The following ZFHX3 variants were observed in gnomAD, a reference collection of about 807,000 sequenced individuals.
ZFHX3 encodes zinc finger homeobox protein 3.
A neutral mutation model predicts 279.1 loss-of-function variants in ZFHX3; 42 were observed. The ratio of observed to expected loss-of-function variants is 0.15; its 90% CI spans 0.12 to 0.19. The LOEUF (loss-of-function observed/expected upper bound fraction) is 0.19. Among genes scored for constraint, ZFHX3 ranks in the 10% least tolerant of loss-of-function variants. The pLI, the probability that ZFHX3 is intolerant of heterozygous loss-of-function variation, is 1.00. For synonymous variants in ZFHX3, 2,293 were observed against 1,957.8 expected (o/e 1.17, Z -4.52); for missense variants, 4,981 against 4,754.0 (o/e 1.05, Z -1.40).
upstream of ZFHX3, among the ~76,000 whole-genome samples, chr16:73,050,011 G>A (rs1228232695): frequency 1.3e-5 from 2 of 152,266 alleles, no homozygotes; most frequent in African/African-American, 2.4e-5. Context: ...CCGGAAAAAC[G>A]AAGATTCCTT....
chr16:73,881,480 G>T (rs58139207), intron 1 of ZFHX3, among the ~76,000 whole-genome samples: 4 of 23,552 alleles, frequency 1.7e-4, no homozygotes, highest in African/African-American at 2.3e-4. Context: ...CTCTCTCTCT[G>T]CCCCCCCCCC....
At chr16:72,816,145 G>C (rs2036599866) in intron 5 of ZFHX3, among the ~76,000 whole-genome samples, 1 of 151,472 alleles carries the variant, frequency 6.6e-6, no homozygotes, top group Admixed American at 6.7e-5. Context: ...AACACTTTAA[G>C]TTTTTCACAT....
rs1288206512 is a variant in ZFHX3 at position 72,928,185 on chromosome 16, GGGAGGGGGA to G, written c.3216+22275_3216+22283del. On this transcript the variant is annotated intron_variant, in intron 3 of 9. Coordinates refer to ENST00000268489, the MANE Select transcript of ZFHX3 (RefSeq NM_006885.4). The stretch of plus-strand genomic sequence containing the variant: ...GAGAGAGGGAGGGGGAGGGGAGAGA[GGGAGGGGGA>G]GGGGAGCGAGGGGGAGCGAAGGGGA... Among the ~76,000 whole-genome samples, 13 of 42,326 alleles carry G rather than the reference GGGAGGGGGA, an allele frequency of 3.1e-4. 1 individual carries two copies. The highest frequency in any genetic ancestry group is 3.8e-4 in the Non-Finnish European group (8 of 20,884). The allele number at this position is 42,326 out of a possible 152,430, so 27.8% of individuals were successfully genotyped here.
intron 7 of ZFHX3, among the ~76,000 whole-genome samples, chr16:73,102,322 A>G (rs1966241987): frequency 6.6e-6 from 1 of 152,166 alleles, no homozygotes; most frequent in South Asian, 2.1e-4. Context: ...TCCAGGGTAC[A>G]CATTGCCCCT....
intron 2 of ZFHX3, among the ~76,000 whole-genome samples, chr16:73,503,615 C>G (rs532966920): frequency 6.6e-6 from 1 of 152,076 alleles, no homozygotes; most frequent in Non-Finnish European, 1.5e-5. Flanking sequence ...TTTGATTTAC[C>G]TGGAGGCATG....
chr16:73,793,835 AG>A (rs1959906816), intron 1 of ZFHX3, among the ~76,000 whole-genome samples: 1 of 152,164 alleles, frequency 6.6e-6, no homozygotes, highest in Non-Finnish European at 1.5e-5. Flanking sequence ...GCCTTTTGAA[AG>A]GGGATACTGT....
intron 5 of ZFHX3, among the ~76,000 whole-genome samples, chr16:73,168,279 C>CTTTCTTTCTTTCTT (rs1555502322): frequency 7.0e-6 from 1 of 143,646 alleles, no homozygotes; most frequent in Admixed American, 7.1e-5. Context: ...TTCTTTCTTT[C>CTTTCTTTCTTTCTT]GAGACAAAGT....
intron 3 of ZFHX3, among the ~76,000 whole-genome samples, chr16:72,901,456 A>T (rs1390823981): frequency 1.3e-5 from 2 of 152,196 alleles, no homozygotes; most frequent in Admixed American, 1.3e-4. Context: ...CAACACAAGC[A>T]GGAGGTAAGC....
intron 2 of ZFHX3, among the ~76,000 whole-genome samples, chr16:73,524,003 A>G (rs2019650244): frequency 6.6e-6 from 1 of 152,216 alleles, no homozygotes; most frequent in African/African-American, 2.4e-5. Flanking sequence ...TTATTATTAG[A>G]AGTATATATC....
At chr16:73,883,025 C>CTT (rs61053103) in intron 1 of ZFHX3, among the ~76,000 whole-genome samples, 11 of 140,496 alleles carry the variant, frequency 7.8e-5, no homozygotes, top group African/African-American at 2.9e-4. Context: ...TTTAGTCAAG[C>CTT]TTTTTAAAAA....
At chr16:73,206,842 AC>A (rs1416470092) in intron 5 of ZFHX3, among the ~76,000 whole-genome samples, 1 of 151,988 alleles carries the variant, frequency 6.6e-6, no homozygotes, top group Non-Finnish European at 1.5e-5. Flanking sequence ...ACATGGTGAA[AC>A]CCCATTTCTA....
At chr16:73,803,035 A>T (rs572159278) in intron 1 of ZFHX3, among the ~76,000 whole-genome samples, 10 of 152,300 alleles carry the variant, frequency 6.6e-5, no homozygotes, top group Admixed American at 5.2e-4. Context: ...TCCTGACCTC[A>T]GGAGATTTGC....
At chr16:73,406,134 G>A (rs536517335) in intron 3 of ZFHX3, among the ~76,000 whole-genome samples, 38 of 152,358 alleles carry the variant, frequency 2.5e-4, no homozygotes, top group South Asian at 8.3e-4. Flanking sequence ...AGATGCCTGC[G>A]CATCAGCTGC....
chr16:73,253,322 A>G (rs567215337), intron 5 of ZFHX3, among the ~76,000 whole-genome samples: 27 of 152,346 alleles, frequency 1.8e-4, no homozygotes, highest in African/African-American at 6.3e-4. Context: ...CAGGGTTGCA[A>G]TAAAGACTGT....
chr16:73,619,521 T>C (rs1311807636), intron 2 of ZFHX3, among the ~76,000 whole-genome samples: 2 of 151,156 alleles, frequency 1.3e-5, no homozygotes, highest in African/African-American at 4.9e-5. Flanking sequence ...TATATATATG[T>C]CTGTAAGCTA....
In ZFHX3 at chr16:73,244,475, C is replaced by T. The variant is rs969861057; in HGVS notation, c.-1104+12572G>A. Reference sequence around the variant, plus strand: ...GGACAGGACATGGGGGCCAGAAGGGCTTTGGGAACAAGGCAACTGATTATG... The same window carrying T: ...GGACAGGACATGGGGGCCAGAAGGGTTTTGGGAACAAGGCAACTGATTATG... On this transcript the variant is annotated intron_variant, in intron 5 of 17. Transcript: ENST00000641206. Among the ~76,000 whole-genome samples, 8 of 152,292 alleles carry T rather than the reference C, an allele frequency of 5.3e-5. No individual in the cohort carries two copies. In the South Asian group the frequency reaches 1.5e-3, roughly 28 times the overall value.
At chr16:73,627,479 G>A (rs1441794814) in intron 2 of ZFHX3, among the ~76,000 whole-genome samples, 4 of 152,246 alleles carry the variant, frequency 2.6e-5, no homozygotes, top group Non-Finnish European at 5.9e-5. Context: ...TGACTGATCA[G>A]CTTGTCAAGA....
intron 8 of ZFHX3, 61 bp downstream of exon 8, chr16:72,799,966 A>G (rs1567520990): frequency 3.4e-6 from 5 of 1,485,716 alleles, no homozygotes; most frequent in East Asian, 2.3e-5. Context: ...ACCTTTCTCC[A>G]TGAACATTTT....
intron 3 of ZFHX3, chr16:73,401,796 T>C (rs1315699610): frequency 6.6e-6 from 1 of 152,220 alleles, no homozygotes; most frequent in Non-Finnish European, 1.5e-5. Context: ...TGGGTAATTG[T>C]TCCTCATGCC....
Sources: gnomAD v4.1 joint callset for allele counts (sites outside exome capture counted in the v4.1 genomes callset) on GRCh38, gnomAD v4.1.1 for gene constraint, MANE v1.5 for transcripts, NCBI Gene and HGNC (gene_info 2026-07-23, HGNC 2026-07-21) for gene names.